The following NOL4 variants were observed in gnomAD, a reference collection of about 807,000 sequenced individuals.
The protein encoded by NOL4 is nucleolar protein 4.
Under a neutral mutation model 75.9 loss-of-function variants are expected in NOL4, and 17 were observed. The ratio of observed to expected loss-of-function variants is 0.22; its 90% CI spans 0.15 to 0.34. NOL4 has a LOEUF of 0.34. Ranked by LOEUF, NOL4 falls within the 10% of genes least tolerant of loss-of-function variation. NOL4 has a pLI of 1.00. For synonymous variants in NOL4, 292 were observed against 289.9 expected (o/e 1.01, Z -0.07); for missense variants, 614 against 793.5 (o/e 0.77, Z 2.72).
chr18:34,137,866 T>C (rs1176488590), intron 1 of NOL4, among the ~76,000 whole-genome samples: 1 of 151,458 alleles, frequency 6.6e-6, no homozygotes, highest in Non-Finnish European at 1.5e-5. Context: ...ATATTATACA[T>C]GAATATTAAT....
intron 1 of NOL4, among the ~76,000 whole-genome samples, chr18:34,203,608 A>C (rs1038280492): frequency 6.6e-6 from 1 of 151,762 alleles, no homozygotes; most frequent in Non-Finnish European, 1.5e-5. Flanking sequence ...ATCTACAATT[A>C]TTTCAATAAA....
At position 34,139,890 on chromosome 18, in the gene NOL4, A is replaced by G. The variant is rs140816191; in HGVS notation, c.265-9870T>C. ...TCTGGTATATTGTGTCTTTGTTCTCATTGGTTTCCAAGAACATCTTTATTT... is the reference window on the plus strand; with the variant it reads ...TCTGGTATATTGTGTCTTTGTTCTCGTTGGTTTCCAAGAACATCTTTATTT... On this transcript the variant is annotated intron_variant, in intron 1 of 10. Transcript: ENST00000261592. Among the ~76,000 whole-genome samples, 210 of 152,238 alleles carry G rather than the reference A, an allele frequency of 1.4e-3. 5 individuals carry two copies. In the East Asian group the frequency reaches 0.036, roughly 26 times the overall value.
intron 1 of NOL4, among the ~76,000 whole-genome samples, chr18:34,146,141 G>A (rs758832011): frequency 2.0e-5 from 3 of 152,010 alleles, no homozygotes; most frequent in Non-Finnish European, 4.4e-5. Context: ...TACACTTGCT[G>A]TTGCTTCCCT....
chr18:34,161,255 G>T (rs1374066004), intron 1 of NOL4, among the ~76,000 whole-genome samples: 1 of 152,030 alleles, frequency 6.6e-6, no homozygotes, highest in East Asian at 1.9e-4. Context: ...TGGCTATTGT[G>T]CATAGTGCTC....
chr18:34,095,041 A>G (rs899404373), intron 4 of NOL4, among the ~76,000 whole-genome samples: 2 of 152,114 alleles, frequency 1.3e-5, no homozygotes, highest in Admixed American at 6.6e-5. Flanking sequence ...TCTGATTCTT[A>G]TATCAGGCTT....
chr18:34,102,118 C>T (rs1325562936), intron 4 of NOL4, among the ~76,000 whole-genome samples: 2 of 151,930 alleles, frequency 1.3e-5, no homozygotes, highest in African/African-American at 4.8e-5. Flanking sequence ...GCCTTTTAAA[C>T]TTGTGATTCC....
chr18:33,956,765 C>G lies in NOL4; in HGVS notation c.1428+561G>C, dbSNP rs187616990. 2.4e-3 allele frequency among the ~76,000 whole-genome samples: 361 copies of G among 152,250 alleles called. 4 individuals carry two copies. The highest frequency in any genetic ancestry group is 7.4e-3 in the African/African-American group (306 of 41,556). ...ATATGAAAGCTCTTGGTACCATCCA[C>G]CAGCACACAAATAAACATATCCAGT... On this transcript the variant is annotated intron_variant, in intron 8 of 10. Coordinates refer to ENST00000261592, the MANE Select transcript of NOL4 (RefSeq NM_003787.5).
chr18:34,223,903 T>C lies in NOL4; in HGVS notation c.-650A>G, dbSNP rs927848816. 2.6e-5 allele frequency: 4 copies of C among 152,420 alleles called. No homozygotes were observed. The highest frequency in any genetic ancestry group is 2.6e-4 in the Admixed American group (4 of 15,314). 9.4% of individuals were successfully genotyped at this position (152,420 alleles called of 1,614,324 possible). On this transcript the variant is annotated 5_prime_UTR_variant, in exon 1 of 11. Transcript: ENST00000261592. ...TTAAGGGACTAGAAAGAGAAAGTTCTTACCTGTCATGTTTTTAAACCTATC... is the reference window on the plus strand; with the variant it reads ...TTAAGGGACTAGAAAGAGAAAGTTCCTACCTGTCATGTTTTTAAACCTATC...
chr18:34,211,989 A>G (rs1226026230), intron 1 of NOL4, among the ~76,000 whole-genome samples: 1 of 151,926 alleles, frequency 6.6e-6, no homozygotes, highest in Non-Finnish European at 1.5e-5. Context: ...AATAAATGAG[A>G]ACAAATATTA....
intron 1 of NOL4, among the ~76,000 whole-genome samples, chr18:34,208,485 A>G (rs1048029525): frequency 2.0e-5 from 3 of 152,192 alleles, no homozygotes; most frequent in African/African-American, 7.2e-5. Flanking sequence ...AACAAGATTC[A>G]TATAAAGTCC....
intron 1 of NOL4, among the ~76,000 whole-genome samples, chr18:34,213,002 A>G (rs1283223679): frequency 6.6e-6 from 1 of 152,144 alleles, no homozygotes; most frequent in Non-Finnish European, 1.5e-5. Context: ...AATAACTATG[A>G]GAGTTATGGG....
intron 6 of NOL4, among the ~76,000 whole-genome samples, chr18:33,990,930 T>C (rs879596629): frequency 2.6e-5 from 4 of 151,968 alleles, no homozygotes; most frequent in African/African-American, 9.7e-5. Flanking sequence ...AATGCTTTTT[T>C]AAAAATACAA....
intron 9 of NOL4, among the ~76,000 whole-genome samples, chr18:33,885,364 C>T (rs2064574493): frequency 6.6e-6 from 1 of 152,044 alleles, no homozygotes; most frequent in Non-Finnish European, 1.5e-5. Flanking sequence ...GCAAAGGATA[C>T]AATCAACAAA....
intron 1 of NOL4, among the ~76,000 whole-genome samples, chr18:34,177,477 TAAAC>T (rs974621033): frequency 7.9e-5 from 12 of 151,988 alleles, no homozygotes; most frequent in South Asian, 4.1e-4. Context: ...ATAATAAACT[TAAAC>T]AAATCTAGCT....
chr18:34,099,232 G>A (rs867543140), intron 4 of NOL4, among the ~76,000 whole-genome samples: 97 of 151,104 alleles, frequency 6.4e-4, no homozygotes, highest in African/African-American at 2.2e-3. Context: ...GCATAGTGGC[G>A]GGCACCTGTA....
intron 2 of NOL4, among the ~76,000 whole-genome samples, chr18:34,113,343 G>A (rs2079696054): frequency 6.6e-6 from 1 of 152,112 alleles, no homozygotes; most frequent in African/African-American, 2.4e-5. Context: ...TCCTAGACAA[G>A]CTTCATTACT....
chr18:33,893,114 T>C (rs1179859265), intron 9 of NOL4, among the ~76,000 whole-genome samples: 3 of 152,166 alleles, frequency 2.0e-5, no homozygotes, highest in African/African-American at 4.8e-5. Flanking sequence ...TAAAAATCTA[T>C]AAGAGATTAA....
chr18:34,100,555 G>A (rs1300599354), intron 4 of NOL4, among the ~76,000 whole-genome samples: 5 of 152,088 alleles, frequency 3.3e-5, no homozygotes, highest in Non-Finnish European at 7.4e-5. Flanking sequence ...TAGACATATT[G>A]AAAAACCTTT....
At chr18:34,158,425 T>C (rs866111406) in intron 1 of NOL4, among the ~76,000 whole-genome samples, 1 of 152,132 alleles carries the variant, frequency 6.6e-6, no homozygotes, top group African/African-American at 2.4e-5. Context: ...ACCCTCGAGT[T>C]CAAAAACAGA....
Sources: allele counts gnomAD v4.1 joint callset (sites outside exome capture counted in the v4.1 genomes callset), GRCh38; gene constraint gnomAD v4.1.1; transcripts MANE v1.5; gene names NCBI Gene and HGNC (gene_info 2026-07-23, HGNC 2026-07-21).